Variants in TCF7L1 observed in about 807,000 individuals in gnomAD.
TCF7L1 encodes transcription factor 7-like 1.
Under a neutral mutation model 63.7 loss-of-function variants are expected in TCF7L1, and 18 were observed. The observed-to-expected ratio is 0.28, with a 90% CI of 0.20 to 0.42. The LOEUF (loss-of-function observed/expected upper bound fraction) is 0.42, where lower values mean the gene tolerates loss of function less well. Ranked by LOEUF, TCF7L1 falls within the 10% of genes least tolerant of loss-of-function variation. The pLI, the probability that TCF7L1 is intolerant of heterozygous loss-of-function variation, is 1.00. For missense variants in TCF7L1, 654 were observed against 779.3 expected (o/e 0.84, Z 1.91); for synonymous variants, 355 against 340.9 (o/e 1.04, Z -0.46).
chr2:85,236,173 C>CA (rs34088919), intron 3 of TCF7L1, among the ~76,000 whole-genome samples: 31,590 of 142,460 alleles, frequency 0.22, 7,462 homozygotes, highest in African/African-American at 0.6. Flanking sequence ...ATCCCCCCCC[C>CA]AAAAAAAACC....
At chr2:85,246,117 C>T (rs1041262745) in intron 3 of TCF7L1, among the ~76,000 whole-genome samples, 3 of 152,190 alleles carry the variant, frequency 2.0e-5, no homozygotes, top group African/African-American at 7.2e-5. Context: ...TTCTGATCTC[C>T]AGATGTAACA....
At chr2:85,292,985 G>A (rs1442203226) in intron 4 of TCF7L1, among the ~76,000 whole-genome samples, 1 of 152,220 alleles carries the variant, frequency 6.6e-6, no homozygotes, top group Non-Finnish European at 1.5e-5. Flanking sequence ...TGGAGTGGCT[G>A]TTTTAGCTTG....
chr2:85,161,554 A>C (rs747097529), intron 3 of TCF7L1, among the ~76,000 whole-genome samples: 1 of 152,190 alleles, frequency 6.6e-6, no homozygotes. Context: ...GAGGAAGGGA[A>C]AGATTGCTGT....
intron 3 of TCF7L1, among the ~76,000 whole-genome samples, chr2:85,258,562 G>A (rs1032020089): frequency 1.3e-5 from 2 of 152,200 alleles, no homozygotes; most frequent in Non-Finnish European, 1.5e-5. Context: ...TACCACCACC[G>A]CATTCTGGTA....
chr2:85,163,144 A>G (rs1397372566), intron 3 of TCF7L1, among the ~76,000 whole-genome samples: 4 of 152,198 alleles, frequency 2.6e-5, no homozygotes, highest in South Asian at 4.1e-4. Context: ...AGAAATGGTC[A>G]TGCCCAGCCT....
At chr2:85,299,653 GCGCAGGAGTT>G (rs989726162) in intron 4 of TCF7L1, among the ~76,000 whole-genome samples, 2 of 151,906 alleles carry the variant, frequency 1.3e-5, no homozygotes, top group African/African-American at 4.8e-5. Context: ...GATTGCTTGA[GCGCAGGAGTT>G]CGAGAACAGC....
chr2:85,199,138 G>A (rs558936896), intron 3 of TCF7L1, among the ~76,000 whole-genome samples: 1 of 152,286 alleles, frequency 6.6e-6, no homozygotes, highest in Admixed American at 6.5e-5. Flanking sequence ...CTGAGAGGGT[G>A]TCCCTAATGT....
intron 3 of TCF7L1, among the ~76,000 whole-genome samples, chr2:85,215,382 C>T (rs934225772): frequency 6.6e-6 from 1 of 152,236 alleles, no homozygotes; most frequent in East Asian, 1.9e-4. Flanking sequence ...CACATACCCT[C>T]GCCAGTGATG....
chr2:85,240,186 T>C (rs2104323071), intron 3 of TCF7L1, among the ~76,000 whole-genome samples: 1 of 152,354 alleles, frequency 6.6e-6, no homozygotes, highest in Non-Finnish European at 1.5e-5. Flanking sequence ...AAGTGGCCAC[T>C]GCACTGCATG....
intron 4 of TCF7L1, among the ~76,000 whole-genome samples, chr2:85,283,883 G>C (rs987876358): frequency 6.6e-6 from 1 of 152,218 alleles, no homozygotes; most frequent in African/African-American, 2.4e-5. Context: ...ATCTGAACCC[G>C]CTGCCCACTT....
chr2:85,307,671 G>T lies in TCF7L1; in HGVS notation c.1287G>T (p.Lys429Asn). ...YGKKKKRKREKQLSQTQSQQQ... is the reference protein window; with the variant it reads ...YGKKKKRKRENQLSQTQSQQQ... ...AGAAAAAGAAGAGGAAGAGAGAAAA[G>T]CAGCTGTCCCAGACACAGTCACAGC... Residue 429 changes from lysine (K) to asparagine (N), a missense_variant, in exon 11 of 12, where the codon AAG (lysine) becomes AAT (asparagine). By Grantham distance (94) the Lys-to-Asn change is moderately conservative (BLOSUM62 0). Around this residue, in one of 3 missense-constraint regions of TCF7L1, gnomAD observed 184 missense variants for 204.0 expected, o/e 0.90. Coordinates refer to ENST00000282111, the MANE Select transcript of TCF7L1 (RefSeq NM_031283.3). 6.2e-7 allele frequency: 1 copy of T among 1,613,836 alleles called. No individual in the cohort carries two copies. Among genetic ancestry groups the T allele is most frequent in the Non-Finnish European group, 8.5e-7 (1 of 1,179,992 alleles).
intron 3 of TCF7L1, among the ~76,000 whole-genome samples, chr2:85,221,931 T>TAAAA (rs58252836): frequency 1.4e-5 from 2 of 142,004 alleles, no homozygotes; most frequent in African/African-American, 5.1e-5. Context: ...AATCCAGACT[T>TAAAA]AAAAAAAAAA....
rs557466255 is a variant in TCF7L1 at position 85,190,425 on chromosome 2, T to A, written c.441+55975T>A. ...GGCTGAGTAAGGAGCACCATAGGCC[T>A]CTGCAGAGGCCAGTCTTGGGTGGCT... is the stretch of plus-strand genomic sequence containing the variant. On this transcript the variant is annotated intron_variant, in intron 3 of 11. Transcript: ENST00000282111. Among the ~76,000 whole-genome samples the A allele has an allele frequency of 3.9e-5, 6 of 152,278 alleles. No individual in the cohort carries two copies. In the South Asian group the frequency reaches 1.2e-3, roughly 32 times the overall value.
At chr2:85,140,027 T>A (rs1187685266) in intron 3 of TCF7L1, among the ~76,000 whole-genome samples, 1 of 151,894 alleles carries the variant, frequency 6.6e-6, no homozygotes, top group Non-Finnish European at 1.5e-5. Context: ...GGCTTCAGAG[T>A]AGCAGAGTGG....
chr2:85,244,456 C>T (rs1680413637), intron 3 of TCF7L1, among the ~76,000 whole-genome samples: 1 of 152,052 alleles, frequency 6.6e-6, no homozygotes, highest in African/African-American at 2.4e-5. Context: ...AGATTCTGGA[C>T]CCATTTTGAA....
chr2:85,279,796 A>G lies in TCF7L1; in HGVS notation c.442-3699A>G, dbSNP rs533117609. On this transcript the variant is annotated intron_variant, in intron 3 of 11. Coordinates refer to ENST00000282111, the MANE Select transcript of TCF7L1 (RefSeq NM_031283.3). Reference sequence around the variant, plus strand: ...GCACCACCCCAGGCATGGCTGGAGCAGGGTCAGTCCCGGTGAGATGCTCAC... The same window carrying G: ...GCACCACCCCAGGCATGGCTGGAGCGGGGTCAGTCCCGGTGAGATGCTCAC... Among the ~76,000 whole-genome samples, 3 of 152,342 alleles carry G rather than the reference A, an allele frequency of 2.0e-5. No homozygotes were observed. The East Asian group carries it at 5.8e-4, about 29-fold the overall frequency.
At chr2:85,165,086 C>G (rs1330718760) in intron 3 of TCF7L1, among the ~76,000 whole-genome samples, 1 of 152,144 alleles carries the variant, frequency 6.6e-6, no homozygotes, top group Non-Finnish European at 1.5e-5. Flanking sequence ...CCTAGCCTAC[C>G]AAGGAGTGGT....
At chr2:85,284,969 C>A (rs950529819) in intron 4 of TCF7L1, among the ~76,000 whole-genome samples, 1 of 152,222 alleles carries the variant, frequency 6.6e-6, no homozygotes, top group Non-Finnish European at 1.5e-5. Flanking sequence ...CGCAGTGGCT[C>A]ACGCCTGTAA....
Position 85,275,891 on chromosome 2 carries a change from G to A in TCF7L1, c.442-7604G>A, listed in dbSNP as rs1289979211. ...TCTATGATTGCGCCACTGCACTCCAGCCTGGACGACAGAGTGAGACTCCAT... is the reference window on the plus strand; with the variant it reads ...TCTATGATTGCGCCACTGCACTCCAACCTGGACGACAGAGTGAGACTCCAT... On this transcript the variant is annotated intron_variant, in intron 3 of 11. Coordinates refer to ENST00000282111, the MANE Select transcript of TCF7L1 (RefSeq NM_031283.3). Among the ~76,000 whole-genome samples, 3 of 135,752 alleles carry A rather than the reference G, an allele frequency of 2.2e-5. No homozygotes were observed. The East Asian group carries it at 6.7e-4, about 30-fold the overall frequency. The allele number at this position is 135,752 out of a possible 152,430, so 89.1% of individuals were successfully genotyped here.
Sources: allele counts gnomAD v4.1 joint callset (sites outside exome capture counted in the v4.1 genomes callset), GRCh38; gene constraint gnomAD v4.1.1; regional missense constraint gnomAD v4.1.1; transcripts MANE v1.5; gene names NCBI Gene and HGNC (gene_info 2026-07-23, HGNC 2026-07-21).